MTMR3: variants seen among roughly 807,000 people sequenced by gnomAD.
MTMR3 encodes phosphatidylinositol-3,5-bisphosphate 3-phosphatase MTMR3.
A neutral mutation model predicts 132.4 loss-of-function variants in MTMR3; 32 were observed. That is an observed-to-expected ratio of 0.24 (90% CI 0.18 to 0.32). The LOEUF is 0.32. MTMR3 is among the 10% of genes least tolerant of loss of function. The probability of loss-of-function intolerance (pLI) is 1.00; values close to 1 mark genes in which losing one functional copy is unlikely to be tolerated. For missense variants in MTMR3, 1,216 were observed against 1,489.6 expected, an observed-to-expected ratio of 0.82 and a Z score of 3.02; for synonymous variants, 556 against 550.3, an observed-to-expected ratio of 1.01 and a Z score of -0.14.
chr22:29,932,456 T>TATA (rs1390812376), intron 1 of MTMR3, among the ~76,000 whole-genome samples: 1 of 152,212 alleles, frequency 6.6e-6, no homozygotes, highest in Admixed American at 6.5e-5. Flanking sequence ...ACTAAATTGG[T>TATA]ATAACTAACT....
chr22:29,885,427 A>G (rs1443109389), intron 1 of MTMR3, among the ~76,000 whole-genome samples: 3 of 152,226 alleles, frequency 2.0e-5, no homozygotes, highest in Non-Finnish European at 2.9e-5. Flanking sequence ...ATGTAGGGGA[A>G]ACAGATTTGT....
chr22:30,017,930 C>G lies in MTMR3; in HGVS notation c.1678C>G (p.Leu560Val). The G allele has an allele frequency of 6.2e-7, 1 of 1,613,222 alleles. No individual in the cohort carries two copies. Among genetic ancestry groups the G allele is most frequent in the Non-Finnish European group, 8.5e-7 (1 of 1,179,634 alleles). ...CTGTGTCCTCCCCCCTCCTCAGGTG[C>G]TGTACCCTGTGTGCCATGTGCGTAA... ...LLYSSQSEAV[L>V]YPVCHVRNLM... Residue 560 changes from leucine (L) to valine (V), a missense_variant, in exon 16 of 20, where the codon CTG becomes GTG. Around this residue, in one of 7 missense-constraint regions of MTMR3, gnomAD observed 852 missense variants for 852.0 expected, o/e 1.00. Transcript: ENST00000401950.
intron 9 of MTMR3, chr22:30,003,958 T>C (rs1355625655): frequency 3.3e-5 from 5 of 152,214 alleles, no homozygotes; most frequent in Admixed American, 3.3e-4. Context: ...AGTTAGAAAC[T>C]TCATTCCACT....
rs1219446215 is a variant in MTMR3, at chr22:29,906,256, CTG to C, written c.-138+22899_-138+22900del. Among the ~76,000 whole-genome samples, 10 of 69,770 alleles carry C rather than the reference CTG, an allele frequency of 1.4e-4. No individual in the cohort carries two copies. In the East Asian group the frequency reaches 4.9e-3, roughly 34 times the overall value. The allele number at this position is 69,770 out of a possible 152,430, so 45.8% of individuals were successfully genotyped here. On this transcript the variant is annotated intron_variant, in intron 1 of 19. Coordinates refer to ENST00000401950, the MANE Select transcript of MTMR3 (RefSeq NM_021090.4). Reference sequence around the variant, plus strand: ...TTTATCCATCCATCCGTCTGTCTGTCTGTCTGTCTGTCTGTCTGTCTGTCTGT... The same window carrying C: ...TTTATCCATCCATCCGTCTGTCTGTCTCTGTCTGTCTGTCTGTCTGTCTGT...
chr22:29,943,697 A>G (rs1281033158), intron 1 of MTMR3, among the ~76,000 whole-genome samples: 1 of 152,154 alleles, frequency 6.6e-6, no homozygotes, highest in Non-Finnish European at 1.5e-5. Flanking sequence ...GCTATGTCTC[A>G]TATAGCAAAA....
At chr22:29,966,206 T>C (rs1355074786) in intron 2 of MTMR3, among the ~76,000 whole-genome samples, 1 of 152,166 alleles carries the variant, frequency 6.6e-6, no homozygotes, top group Non-Finnish European at 1.5e-5. Flanking sequence ...ATAAATTCTT[T>C]TTAAAAACCC....
At chr22:29,920,231 A>C (rs969632119) in intron 1 of MTMR3, among the ~76,000 whole-genome samples, 1 of 149,834 alleles carries the variant, frequency 6.7e-6, no homozygotes, top group Non-Finnish European at 1.5e-5. Context: ...AAAACAAAAA[A>C]CCCAAAAAAA....
intron 1 of MTMR3, among the ~76,000 whole-genome samples, chr22:29,951,851 TAA>T (rs752469822): frequency 3.3e-5 from 5 of 152,006 alleles, no homozygotes; most frequent in Non-Finnish European, 7.4e-5. Context: ...GAAATTATCT[TAA>T]GTGTTGCTGG....
At chr22:29,904,844 T>C (rs2065066873) in intron 1 of MTMR3, among the ~76,000 whole-genome samples, 1 of 151,662 alleles carries the variant, frequency 6.6e-6, no homozygotes, top group African/African-American at 2.4e-5. Flanking sequence ...GTGTGTGTCT[T>C]GGTTTTAAAC....
At position 30,027,934 on chromosome 22, in the gene MTMR3, G is replaced by GT. The variant is rs1021539007; in HGVS notation, c.*2134dup. On this transcript the variant is annotated 3_prime_UTR_variant, in exon 20 of 20. Coordinates refer to ENST00000401950, the MANE Select transcript of MTMR3 (RefSeq NM_021090.4). ...CGTCCCTTTTCCCTCTCACACAGAA[G>GT]TGTTTGAGGGCCTGCTGGGAAACTG... 6.6e-6 allele frequency: 1 copy of GT among 152,340 alleles called. No individual in the cohort carries two copies. The highest frequency in any genetic ancestry group is 2.4e-5 in the African/African-American group (1 of 41,470). The allele number at this position is 152,340 out of a possible 1,614,324, so 9.4% of individuals were successfully genotyped here.
intron 7 of MTMR3, chr22:29,996,077 T>C (rs1381281930): frequency 6.6e-6 from 1 of 152,194 alleles, no homozygotes; most frequent in African/African-American, 2.4e-5. Flanking sequence ...GGTGGGAAGA[T>C]TGTTTGAGTT....
intron 8 of MTMR3, chr22:30,000,851 G>A (rs2067157626): frequency 1.3e-5 from 2 of 152,322 alleles, no homozygotes; most frequent in Admixed American, 1.3e-4. Context: ...ATCCACAAGT[G>A]AGTAGGTAGT....
At chr22:29,960,324 T>C (rs1162652596) in intron 2 of MTMR3, among the ~76,000 whole-genome samples, 1 of 152,214 alleles carries the variant, frequency 6.6e-6, no homozygotes, top group Non-Finnish European at 1.5e-5. Flanking sequence ...TATATCAGTG[T>C]TAAATTTTCT....
intron 1 of MTMR3, among the ~76,000 whole-genome samples, chr22:29,943,949 G>A (rs769916075): frequency 5.3e-5 from 8 of 151,790 alleles, no homozygotes; most frequent in African/African-American, 9.7e-5. Context: ...TCAGCTGCCC[G>A]AGTAGCTGGG....
chr22:29,936,695 A>T (rs139686942), intron 1 of MTMR3, among the ~76,000 whole-genome samples: 4 of 152,332 alleles, frequency 2.6e-5, no homozygotes, highest in African/African-American at 9.6e-5. Flanking sequence ...GTCTTTAATG[A>T]TACCATTTAA....
chr22:29,943,633 T>C (rs2065899613), intron 1 of MTMR3, among the ~76,000 whole-genome samples: 1 of 152,288 alleles, frequency 6.6e-6, no homozygotes, highest in South Asian at 2.1e-4. Context: ...TGGTATGTTA[T>C]GACTATTCCA....
At chr22:29,959,759 ATTTTTT>A (rs35031180) in intron 2 of MTMR3, among the ~76,000 whole-genome samples, 3 of 133,914 alleles carry the variant, frequency 2.2e-5, no homozygotes, top group Non-Finnish European at 3.2e-5. Flanking sequence ...AAAAGTGTTA[ATTTTTT>A]TTTTTTTTTT....
At chr22:29,911,968 A>G (rs1463279660) in intron 1 of MTMR3, among the ~76,000 whole-genome samples, 1 of 152,176 alleles carries the variant, frequency 6.6e-6, no homozygotes, top group Non-Finnish European at 1.5e-5. Context: ...TATCCTCTTT[A>G]TTGTTTTCTT....
At chr22:29,942,451 C>T (rs928547027) in intron 1 of MTMR3, among the ~76,000 whole-genome samples, 1 of 152,168 alleles carries the variant, frequency 6.6e-6, no homozygotes, top group Non-Finnish European at 1.5e-5. Flanking sequence ...CACGCATTGT[C>T]ATTGATAACA....
Sources: gnomAD v4.1 joint callset for allele counts (sites outside exome capture counted in the v4.1 genomes callset) on GRCh38, gnomAD v4.1.1 for gene constraint, gnomAD v4.1.1 regional missense constraint, MANE v1.5 for transcripts, NCBI Gene and HGNC (gene_info 2026-07-23, HGNC 2026-07-21) for gene names.